The following WNT16 variants were observed in gnomAD, a reference collection of about 807,000 sequenced individuals.
WNT16 encodes the protein protein Wnt-16.
In WNT16, 20 loss-of-function variants were observed where a neutral mutation model predicts 35.4. The observed-to-expected ratio is 0.56, with a 90% CI of 0.40 to 0.82. The LOEUF is 0.82. WNT16 is among the 40% of genes least tolerant of loss of function. WNT16 has a pLI of 0.00. For synonymous variants in WNT16, 180 were observed against 179.2 expected, an observed-to-expected ratio of 1.00 and a Z score of -0.03; for missense variants, 461 against 466.0, an observed-to-expected ratio of 0.99 and a Z score of 0.10.
At chr7:121,332,964 T>C (rs1173040384) in intron 3 of WNT16, among the ~76,000 whole-genome samples, 1 of 152,068 alleles carries the variant, frequency 6.6e-6, no homozygotes, top group East Asian at 1.9e-4. Context: ...CACAACAAAG[T>C]TTGAATTCTA....
At chr7:121,330,213 C>G (rs1436670951) in intron 2 of WNT16, among the ~76,000 whole-genome samples, 1 of 152,230 alleles carries the variant, frequency 6.6e-6, no homozygotes, top group East Asian at 1.9e-4. Context: ...TTGATTTAAC[C>G]AACTCCGCTG....
In WNT16 at chr7:121,339,048, G is replaced by T; in HGVS notation, c.801G>T (p.Met267Ile). The change falls in exon 4 of 4, where the codon ATG (methionine) becomes ATT (isoleucine). Residue 267 changes from methionine (M) to isoleucine (I), a missense_variant. Physicochemically the swap from Met to Ile is conservative, Grantham distance 10. Transcript: ENST00000222462. The stretch of plus-strand genomic sequence containing the variant: ...TATCAGACAAAACAAAGAGGAAAAT[G>T]CGCAGGAGAGAAAAAGATCAGAGGA... ...IQISDKTKRK[M>I]RRREKDQRKI... 1.9e-6 allele frequency: 3 copies of T among 1,614,176 alleles called. No individual in the cohort carries two copies. The highest frequency in any genetic ancestry group is 1.7e-6 in the Non-Finnish European group (2 of 1,180,024).
chr7:121,328,851 GC>G (rs1056114226), upstream of WNT16, among the ~76,000 whole-genome samples: 5 of 152,144 alleles, frequency 3.3e-5, no homozygotes, highest in African/African-American at 1.2e-4. Context: ...TGCCCGGAGC[GC>G]CCCCCGCGGA....
intron 2 of WNT16, 26 bp from the exon 3 acceptor site, chr7:121,331,652 A>G (rs1793347900): frequency 6.3e-7 from 1 of 1,595,084 alleles, no homozygotes; most frequent in Non-Finnish European, 8.6e-7. Context: ...CTGGTTCTCT[A>G]ATTTAGCAAT....
At chr7:121,327,374 G>A (rs191342298), upstream of WNT16, among the ~76,000 whole-genome samples, 71 of 129,156 alleles carry the variant, frequency 5.5e-4, no homozygotes, top group African/African-American at 1.5e-3. Flanking sequence ...TTTTTGAGTC[G>A]GAGTCTCACT....
chr7:121,325,428 AC>A, upstream of WNT16: 1 of 1,613,494 alleles, frequency 6.2e-7, no homozygotes, highest in Non-Finnish European at 8.5e-7. Flanking sequence ...GCAGCTCACC[AC>A]TTGCCTCAGG....
At chr7:121,326,156 A>G (rs1227992009), upstream of WNT16, among the ~76,000 whole-genome samples, 3 of 151,628 alleles carry the variant, frequency 2.0e-5, no homozygotes, top group Non-Finnish European at 4.4e-5. Flanking sequence ...TAAAGTGAGT[A>G]TCAATTTTGT....
At chr7:121,335,495 T>C (rs926299734) in intron 3 of WNT16, among the ~76,000 whole-genome samples, 6 of 152,096 alleles carry the variant, frequency 3.9e-5, no homozygotes, top group Admixed American at 6.6e-5. Context: ...CATTCCTCTG[T>C]TAATATCGTT....
chr7:121,336,573 G>T (rs1793449429), intron 3 of WNT16, among the ~76,000 whole-genome samples: 1 of 152,096 alleles, frequency 6.6e-6, no homozygotes, highest in African/African-American at 2.4e-5. Context: ...TGTGGACGGG[G>T]CTAAAACTGA....
upstream of WNT16, among the ~76,000 whole-genome samples, chr7:121,327,460 C>T (rs551914972): frequency 1.3e-5 from 2 of 149,454 alleles, no homozygotes; most frequent in South Asian, 4.3e-4. Context: ...AAGCAATTCT[C>T]CTGTCTTAGC....
At chr7:121,334,615 ATG>A (rs1206520703) in intron 3 of WNT16, among the ~76,000 whole-genome samples, 7 of 152,108 alleles carry the variant, frequency 4.6e-5, no homozygotes, top group Non-Finnish European at 8.8e-5. Flanking sequence ...GTTCAGAGAA[ATG>A]TGGGTACTGG....
Position 121,331,789 on chromosome 7 carries a change from T to C in WNT16, c.458T>C (p.Leu153Ser), listed in dbSNP as rs777848246. 6.2e-7 allele frequency: 1 copy of C among 1,614,216 alleles called. No homozygotes were observed. Among genetic ancestry groups the C allele is most frequent in the South Asian group, 1.1e-5 (1 of 91,080 alleles). ...ACAGAGTGTTCCTGTGACACCACCT[T>C]GCAGAACGGCGGCTCAGCAAGTGAA... ...NMTECSCDTT[L>S]QNGGSASEGW... Residue 153 changes from leucine (L) to serine (S), a missense_variant, in exon 3 of 4, where the codon TTG (leucine) becomes TCG (serine). Transcript: ENST00000222462.
chr7:121,339,458 C>T lies in WNT16; in HGVS notation c.*113C>T, dbSNP rs17143305. On this transcript the variant is annotated 3_prime_UTR_variant, in exon 4 of 4. Transcript: ENST00000222462. ...AAAGTTGACTCTTGCAGTGGAATCC[C>T]TAGAACCTTGGACCTGAGAGTTTCC... 130,938 of 963,024 alleles carry T rather than the reference C, an allele frequency of 0.14. 10,590 individuals are homozygous for T. The highest frequency in any genetic ancestry group is 0.16 in the Non-Finnish European group (104,790 of 664,880). The allele number at this position is 963,024 out of a possible 1,614,324, so 59.7% of individuals were successfully genotyped here. A position where few individuals can be genotyped will look rare whatever the true frequency, so the allele number is the denominator to read the frequency against.
At chr7:121,333,927 A>G (rs1279824818) in intron 3 of WNT16, among the ~76,000 whole-genome samples, 1 of 152,026 alleles carries the variant, frequency 6.6e-6, no homozygotes, top group Non-Finnish European at 1.5e-5. Flanking sequence ...TATTAGTAAC[A>G]TTCGGCAGCT....
upstream of WNT16, among the ~76,000 whole-genome samples, chr7:121,326,829 C>T (rs1399263654): frequency 3.3e-5 from 5 of 152,196 alleles, no homozygotes; most frequent in South Asian, 6.2e-4. Flanking sequence ...CATCTACCAC[C>T]GTTGGCCCTA....
chr7:121,339,193 G>A lies in WNT16; in HGVS notation c.946G>A (p.Gly316Ser). The change falls in exon 4 of 4, where the codon GGT becomes AGT. Residue 316 changes from glycine to serine, a missense_variant. By Grantham distance (56) the Gly-to-Ser change is moderately conservative. Transcript: ENST00000222462. The part of the protein sequence containing the change: ...QGRECNRTSE[G>S]ADGCNLLCCG... ...CAGAGAATGCAACCGTACATCAGAGGGTGCAGATGGCTGCAACCTCCTCTG... is the reference window on the plus strand; with the variant it reads ...CAGAGAATGCAACCGTACATCAGAGAGTGCAGATGGCTGCAACCTCCTCTG... 1 of 1,614,154 alleles carries A rather than the reference G, an allele frequency of 6.2e-7. No individual in the cohort carries two copies. The highest frequency in any genetic ancestry group is 8.5e-7 in the Non-Finnish European group (1 of 1,180,022).
chr7:121,340,812 T>C lies in WNT16; in HGVS notation c.*1467T>C, dbSNP rs1202318933. On this transcript the variant is annotated 3_prime_UTR_variant, in exon 4 of 4. Coordinates refer to ENST00000222462, the MANE Select transcript of WNT16 (RefSeq NM_057168.2). ...ATTTTACAAGGTTCCTGGTAAAAAT[T>C]ACAGGGCTCTATTTAAGGATGTATT... is the stretch of plus-strand genomic sequence containing the variant. 6.6e-6 allele frequency: 1 copy of C among 152,314 alleles called. No individual in the cohort carries two copies. The highest frequency in any genetic ancestry group is 2.4e-5 in the African/African-American group (1 of 41,450). 9.4% of individuals were successfully genotyped at this position (152,314 alleles called of 1,614,324 possible). A position where few individuals can be genotyped will look rare whatever the true frequency, so the allele number is the denominator to read the frequency against.
At chr7:121,327,185 T>C (rs1009084859), upstream of WNT16, among the ~76,000 whole-genome samples, 2 of 152,144 alleles carry the variant, frequency 1.3e-5, no homozygotes, top group African/African-American at 4.8e-5. Flanking sequence ...TATCATCAAC[T>C]TGACTCCTCG....
In WNT16 at chr7:121,329,321, C is replaced by T. The variant is rs1332490198; in HGVS notation, c.29C>T (p.Ala10Val). 1.3e-6 allele frequency: 2 copies of T among 1,591,460 alleles called. No individual in the cohort carries two copies. The highest frequency in any genetic ancestry group is 1.1e-5 in the South Asian group (1 of 88,182). Reference sequence around the variant, plus strand: ...GACAGGGCGGCGCTCCTGGGACTGGCCCGCTTGTGCGCGCTGTGGGCAGCC... The same window carrying T: ...GACAGGGCGGCGCTCCTGGGACTGGTCCGCTTGTGCGCGCTGTGGGCAGCC... MDRAALLGL[A>V]RLCALWAALL... Residue 10 changes from alanine to valine, a missense_variant, in exon 1 of 4, where the codon GCC (alanine) becomes GTC (valine). Physicochemically the swap from Ala to Val is moderately conservative, Grantham distance 64 (BLOSUM62 0). Coordinates refer to ENST00000222462, the MANE Select transcript of WNT16 (RefSeq NM_057168.2).
Sources: allele counts gnomAD v4.1 joint callset (sites outside exome capture counted in the v4.1 genomes callset), GRCh38; gene constraint gnomAD v4.1.1; transcripts MANE v1.5; gene names NCBI Gene and HGNC (gene_info 2026-07-23, HGNC 2026-07-21).